TENM2: variants seen among roughly 807,000 people sequenced by gnomAD.
TENM2 encodes the protein teneurin transmembrane protein 2.
A neutral mutation model predicts 245.2 loss-of-function variants in TENM2; 52 were observed. The ratio of observed to expected loss-of-function variants is 0.21; its 90% CI spans 0.17 to 0.27. TENM2 has a LOEUF of 0.27. TENM2 is among the 10% of genes least tolerant of loss of function. TENM2 has a pLI of 1.00. For missense variants in TENM2, 3,046 were observed against 3,666.8 expected (o/e 0.83, Z 4.37); for synonymous variants, 1,363 against 1,438.9 (o/e 0.95, Z 1.19).
chr5:167,650,010 C>G (rs1239274325), intron 2 of TENM2, among the ~76,000 whole-genome samples: 1 of 152,176 alleles, frequency 6.6e-6, no homozygotes. Flanking sequence ...GTGGTTGCTT[C>G]ACTCTTCCCA....
At chr5:167,662,043 T>A (rs957064717) in intron 2 of TENM2, among the ~76,000 whole-genome samples, 1 of 152,086 alleles carries the variant, frequency 6.6e-6, no homozygotes, top group Non-Finnish European at 1.5e-5. Context: ...ATCTATGGAG[T>A]AGGCAGAGAC....
At chr5:167,694,930 T>A (rs1195684090) in intron 2 of TENM2, among the ~76,000 whole-genome samples, 1 of 152,262 alleles carries the variant, frequency 6.6e-6, no homozygotes, top group African/African-American at 2.4e-5. Context: ...ACCAAACTAC[T>A]TCTGTTGACA....
chr5:167,696,487 A>G (rs1757774407), intron 2 of TENM2, among the ~76,000 whole-genome samples: 1 of 152,142 alleles, frequency 6.6e-6, no homozygotes, highest in Non-Finnish European at 1.5e-5. Context: ...TTTTATCTCA[A>G]CACTTCACAT....
chr5:167,419,538 T>C (rs1193839796), intron 2 of TENM2, among the ~76,000 whole-genome samples: 1 of 152,178 alleles, frequency 6.6e-6, no homozygotes, highest in Non-Finnish European at 1.5e-5. Flanking sequence ...ATCAGCATCT[T>C]TTCCCGTTTC....
chr5:167,698,841 G>A (rs889539145), intron 2 of TENM2, among the ~76,000 whole-genome samples: 3 of 151,716 alleles, frequency 2.0e-5, no homozygotes, highest in Admixed American at 2.0e-4. Flanking sequence ...CCGCCACCAC[G>A]CCCAGCTAAT....
At chr5:167,185,553 C>T in the TENM2 span, among the ~76,000 whole-genome samples, 1 of 151,876 alleles carries the variant, frequency 6.6e-6, no homozygotes, top group South Asian at 2.1e-4. Context: ...ATAACATATT[C>T]TCAAAAGCAT....
At chr5:167,993,428 T>A (rs529555314) in intron 5 of TENM2, among the ~76,000 whole-genome samples, 1 of 152,340 alleles carries the variant, frequency 6.6e-6, no homozygotes, top group African/African-American at 2.4e-5. Flanking sequence ...CCTTACTATA[T>A]CCTTTCTTGG....
chr5:167,321,152 T>A (rs1276493086), intron 1 of TENM2, among the ~76,000 whole-genome samples: 1 of 152,142 alleles, frequency 6.6e-6, no homozygotes, highest in African/African-American at 2.4e-5. Context: ...AAATTGATGC[T>A]CTTCTCTGGA....
At chr5:167,294,505 A>G (rs1347430452) in intron 1 of TENM2, among the ~76,000 whole-genome samples, 1 of 152,194 alleles carries the variant, frequency 6.6e-6, no homozygotes, top group African/African-American at 2.4e-5. Flanking sequence ...AGTGGGGGAA[A>G]AAAAAGAACA....
At chr5:167,198,144 T>C in the TENM2 span, among the ~76,000 whole-genome samples, 1 of 151,982 alleles carries the variant, frequency 6.6e-6, no homozygotes, top group Non-Finnish European at 1.5e-5. Flanking sequence ...CAAGAGAGAA[T>C]GCAGGAAACC....
the TENM2 span, among the ~76,000 whole-genome samples, chr5:167,246,342 C>A: frequency 1.3e-5 from 2 of 152,052 alleles, no homozygotes; most frequent in Non-Finnish European, 2.9e-5. Context: ...ACTACATATA[C>A]ATAAAATGGC....
In TENM2 at chr5:168,125,779, G is replaced by A. The variant is rs571535730; in HGVS notation, c.2209+729G>A. 5.9e-5 allele frequency among the ~76,000 whole-genome samples: 9 copies of A among 152,188 alleles called. 1 individual carries two copies. The South Asian group carries it at 1.9e-3, about 32-fold the overall frequency. ...AAAAAAAAGAAGAGTCAGTTAAAAT[G>A]GGCTATTTTGGAATGTCTTCTCAGC... On this transcript the variant is annotated intron_variant, in intron 11 of 28. Transcript: ENST00000518659.
chr5:168,156,146 G>A (rs1313957601), intron 12 of TENM2, among the ~76,000 whole-genome samples: 1 of 146,122 alleles, frequency 6.8e-6, no homozygotes, highest in Non-Finnish European at 1.5e-5. Context: ...GGCTCAGAGA[G>A]GTGGATCTAC....
chr5:167,706,302 TCA>T (rs1387104307), intron 2 of TENM2, among the ~76,000 whole-genome samples: 1 of 147,132 alleles, frequency 6.8e-6, no homozygotes, highest in Admixed American at 6.9e-5. Flanking sequence ...TATATATGTA[TCA>T]CAGTATATAT....
Position 168,204,762 on chromosome 5 carries a change from T to C in TENM2, c.3824+141T>C. On this transcript the variant is annotated intron_variant, in intron 19 of 28. Coordinates refer to ENST00000518659, the Ensembl canonical transcript of TENM2. ...TCCAAAACCTAGGCCCAGAATCAAA[T>C]AAGGAGGTGGGAAAAATGCTTTGTG... 8.1e-6 allele frequency: 9 copies of C among 1,110,620 alleles called. No homozygotes were observed. The South Asian group carries it at 1.6e-4, about 19-fold the overall frequency. 68.8% of individuals were successfully genotyped at this position (1,110,620 alleles called of 1,614,324 possible).
At chr5:167,178,621 C>A in the TENM2 span, among the ~76,000 whole-genome samples, 1 of 151,962 alleles carries the variant, frequency 6.6e-6, no homozygotes, top group Non-Finnish European at 1.5e-5. Context: ...CGAGTACAAC[C>A]TTTTCAAAAC....
the TENM2 span, among the ~76,000 whole-genome samples, chr5:167,257,980 T>C: frequency 6.6e-6 from 1 of 151,772 alleles, no homozygotes; most frequent in South Asian, 2.1e-4. Flanking sequence ...GTTAATGAAA[T>C]CATGAAGCCA....
chr5:167,021,906 T>C, the TENM2 span, among the ~76,000 whole-genome samples: 1 of 152,158 alleles, frequency 6.6e-6, no homozygotes, highest in Non-Finnish European at 1.5e-5. Flanking sequence ...CAACACTTCA[T>C]AGAAACAAAA....
At chr5:168,067,254 G>T (rs75689243) in intron 7 of TENM2, among the ~76,000 whole-genome samples, 1 of 152,158 alleles carries the variant, frequency 6.6e-6, no homozygotes, top group Admixed American at 6.5e-5. Flanking sequence ...TTGAATGGCG[G>T]TAAGACAGGA....
Sources: gnomAD v4.1 joint callset for allele counts (sites outside exome capture counted in the v4.1 genomes callset) on GRCh38, gnomAD v4.1.1 for gene constraint, MANE v1.5 for transcripts, NCBI Gene and HGNC (gene_info 2026-07-23, HGNC 2026-07-21) for gene names.